Variants in PTS observed in about 807,000 individuals in gnomAD.
PTS encodes the protein 6-pyruvoyl tetrahydrobiopterin synthase.
In PTS, 23 loss-of-function variants were observed where a neutral mutation model predicts 20.6. That is an observed-to-expected ratio of 1.12 (90% CI 0.80 to 1.58). The LOEUF (loss-of-function observed/expected upper bound fraction) is 1.58, where lower values mean the gene tolerates loss of function less well. Among genes scored for constraint, PTS ranks in the 40% most tolerant of loss-of-function variants. PTS has a pLI of 0.00. For synonymous variants in PTS, 65 were observed against 62.5 expected (o/e 1.04, Z -0.19); for missense variants, 186 against 182.4 (o/e 1.02, Z -0.11).
At chr11:112,230,484 G>T in intron 3 of PTS, 142 bp from the exon 4 acceptor site, 1 of 841,656 alleles carries the variant, frequency 1.2e-6, no homozygotes, top group East Asian at 2.5e-5. Context: ...CTTCCATGCT[G>T]AGGTCAATGA....
At chr11:112,231,199 C>T (rs745516126) in intron 4 of PTS, among the ~76,000 whole-genome samples, 2 of 152,046 alleles carry the variant, frequency 1.3e-5, no homozygotes, top group African/African-American at 2.4e-5. Context: ...TTTCTCTTCC[C>T]TCTCTGAATA....
chr11:112,228,006 C>T lies in PTS; in HGVS notation c.84-588C>T, dbSNP rs575800760. Reference sequence around the variant, plus strand: ...TAAGCAATTTGTTTTCTGTCTGAGACGACAGCCAAAGATTGTAATTTTAAA... The same window carrying T: ...TAAGCAATTTGTTTTCTGTCTGAGATGACAGCCAAAGATTGTAATTTTAAA... On this transcript the variant is annotated intron_variant, in intron 1 of 5. Transcript: ENST00000280362. 8.5e-5 allele frequency among the ~76,000 whole-genome samples: 13 copies of T among 152,260 alleles called. No individual in the cohort carries two copies. In the South Asian group the frequency reaches 1.0e-3, roughly 12 times the overall value.
chr11:112,228,935 A>C (rs1452540429), intron 2 of PTS: 1 of 476,062 alleles, frequency 2.1e-6, no homozygotes, highest in African/African-American at 2.0e-5. Flanking sequence ...TAGAGTACAC[A>C]ACAAGTTTCT....
rs1169676852 is a variant in PTS, at chr11:112,233,623, G to A, written c.*68G>A. On this transcript the variant is annotated 3_prime_UTR_variant, in exon 6 of 6. Transcript: ENST00000280362. ...TTTGAAAAAGATTTTGATCCCCTTG[G>A]AATATTAAGAGGTCAACACGTGATT... 5.0e-6 allele frequency: 8 copies of A among 1,605,046 alleles called. No homozygotes were observed. The highest frequency in any genetic ancestry group is 1.7e-4 in the Middle Eastern group (1 of 5,870).
chr11:112,231,937 G>A (rs1336518200), intron 4 of PTS, among the ~76,000 whole-genome samples: 1 of 145,674 alleles, frequency 6.9e-6, no homozygotes, highest in Non-Finnish European at 1.5e-5. Flanking sequence ...GGAGAGGGGA[G>A]GGGAAAGAAA....
At chr11:112,231,868 A>G (rs3018472) in intron 4 of PTS, among the ~76,000 whole-genome samples, 136,982 of 137,088 alleles carry the variant, frequency 1, 68,438 homozygotes, top group Middle Eastern at 1. Flanking sequence ...GGGCAGGCGG[A>G]GAGAGAGAGA....
Position 112,233,765 on chromosome 11 carries a change from G to A in PTS, c.*210G>A. 2.0e-6 allele frequency: 1 copy of A among 502,972 alleles called. No individual in the cohort carries two copies. The highest frequency in any genetic ancestry group is 3.1e-6 in the Non-Finnish European group (1 of 326,560). The allele number at this position is 502,972 out of a possible 1,614,324, so 31.2% of individuals were successfully genotyped here. On this transcript the variant is annotated 3_prime_UTR_variant, in exon 6 of 6. Transcript: ENST00000280362. ...TAATATACATCCTGAAAATCATTTA[G>A]AGAGTCTTTTATTTATAAATTAAAA...
rs201697689 is a variant in PTS, at chr11:112,226,432, A to G, written c.-12A>G. ...GAGGTGCCGGCCGAGCACCGCAGAC[A>G]GCGCCGGGAAGATGAGCACGGAAGG... On this transcript the variant is annotated 5_prime_UTR_variant, in exon 1 of 6. Coordinates refer to ENST00000280362, the MANE Select transcript of PTS (RefSeq NM_000317.3). 1 of 1,573,020 alleles carries G rather than the reference A, an allele frequency of 6.4e-7. No individual in the cohort carries two copies. The highest frequency in any genetic ancestry group is 1.3e-5 in the African/African-American group (1 of 74,682).
chr11:112,230,066 G>A, intron 2 of PTS, 142 bp from the exon 3 acceptor site: 1 of 844,590 alleles, frequency 1.2e-6, no homozygotes, highest in Non-Finnish European at 2.0e-6. Flanking sequence ...GATGTTTTGG[G>A]GTAAATATTT....
chr11:112,233,164 A>T lies in PTS; in HGVS notation c.245A>T (p.Glu82Val). 2 of 1,613,570 alleles carry T rather than the reference A, an allele frequency of 1.2e-6. No individual in the cohort carries two copies. The highest frequency in any genetic ancestry group is 1.7e-6 in the Non-Finnish European group (2 of 1,179,480). The change falls in exon 5 of 6, where the codon GAG becomes GTG. Residue 82 changes from glutamate to valine, a missense_variant and splice_region_variant. Glu to Val is a moderately radical substitution (Grantham distance 121). Coordinates refer to ENST00000280362, the MANE Select transcript of PTS (RefSeq NM_000317.3). Reference sequence around the variant, plus strand: ...ATTTTCCCTTGGTTTTGTCTCTAGGAGGCGATTATGCAGCCCCTTGATCAT... The same window carrying T: ...ATTTTCCCTTGGTTTTGTCTCTAGGTGGCGATTATGCAGCCCCTTGATCAT... The part of the protein sequence containing the change: ...NLADLKKYME[E>V]AIMQPLDHKN...
chr11:112,233,097 G>A, intron 4 of PTS, 66 bp from the exon 5 acceptor site: 3 of 1,448,426 alleles, frequency 2.1e-6, no homozygotes, highest in East Asian at 4.5e-5. Flanking sequence ...AGAGGCATAA[G>A]TGGAACAATT....
At chr11:112,230,750 C>T in intron 4 of PTS, 68 bp downstream of exon 4, 1 of 1,304,380 alleles carries the variant, frequency 7.7e-7, no homozygotes, top group Non-Finnish European at 1.1e-6. Flanking sequence ...CCCCTATCTA[C>T]CTCCCCAACC....
chr11:112,230,795 G>C, intron 4 of PTS, 113 bp downstream of exon 4: 1 of 956,922 alleles, frequency 1.0e-6, no homozygotes, highest in Non-Finnish European at 1.7e-6. Flanking sequence ...TTTGTGAATA[G>C]AACTGGATGT....
At chr11:112,229,399 G>A (rs1039559439) in intron 2 of PTS, 3 of 150,770 alleles carry the variant, frequency 2.0e-5, no homozygotes, top group Admixed American at 2.0e-4. Context: ...TTTTGTTGTT[G>A]TTGTTTTTTT....
intron 2 of PTS, 69 bp from the exon 3 acceptor site, chr11:112,230,138 TA>T (rs1859911853): frequency 2.1e-6 from 3 of 1,442,444 alleles, no homozygotes; most frequent in Non-Finnish European, 2.9e-6. Flanking sequence ...TGTATGTTGC[TA>T]ACTTGTGCTT....
chr11:112,230,264 G>C, intron 3 of PTS, 34 bp downstream of exon 3: 1 of 1,605,096 alleles, frequency 6.2e-7, no homozygotes, highest in Non-Finnish European at 8.5e-7. Context: ...GGTTTTTGCA[G>C]ATTGCTGGGC....
intron 1 of PTS, 100 bp from the exon 2 acceptor site, chr11:112,228,494 C>A: frequency 9.4e-7 from 1 of 1,065,458 alleles, no homozygotes; most frequent in Non-Finnish European, 1.3e-6. Flanking sequence ...AATTGGGAAA[C>A]TTTTCAAAGA....
At position 112,230,656 on chromosome 11, in the gene PTS, C is replaced by A. The variant is rs199748848; in HGVS notation, c.217C>A (p.Leu73Met). ...CCCTGCTACGGGAATGGTTATGAAT[C>A]TGGCTGATCTCAAAAAATATATGGA... ...IDPATGMVMNLADLKKYMEEA... is the reference protein window; with the variant it reads ...IDPATGMVMNMADLKKYMEEA... The change falls in exon 4 of 6, where the codon CTG (leucine) becomes ATG (methionine). Residue 73 changes from leucine (L) to methionine (M), a missense_variant. Leu to Met is a conservative substitution (Grantham distance 15). Coordinates refer to ENST00000280362, the MANE Select transcript of PTS (RefSeq NM_000317.3). 1.1e-5 allele frequency: 17 copies of A among 1,611,128 alleles called. No individual in the cohort carries two copies. The highest frequency in any genetic ancestry group is 1.4e-5 in the Non-Finnish European group (16 of 1,177,384).
At position 112,233,556 on chromosome 11, in the gene PTS, C is replaced by T; in HGVS notation, c.*1C>T. ...TATTGTGGTTTATAAAGGAGAATAG[C>T]TATTGGGGTTAGCATTGCACAAAGC... is the stretch of plus-strand genomic sequence containing the variant. On this transcript the variant is annotated 3_prime_UTR_variant, in exon 6 of 6. Transcript: ENST00000280362. 2 of 1,613,430 alleles carry T rather than the reference C, an allele frequency of 1.2e-6. No individual in the cohort carries two copies. The highest frequency in any genetic ancestry group is 1.7e-6 in the Non-Finnish European group (2 of 1,179,748).
Sources: allele counts gnomAD v4.1 joint callset (sites outside exome capture counted in the v4.1 genomes callset), GRCh38; gene constraint gnomAD v4.1.1; transcripts MANE v1.5; gene names NCBI Gene and HGNC (gene_info 2026-07-23, HGNC 2026-07-21).